The following TRHDE variants were observed in gnomAD, a reference collection of about 807,000 sequenced individuals.
TRHDE encodes thyrotropin-releasing hormone-degrading ectoenzyme.
A neutral mutation model predicts 125.7 loss-of-function variants in TRHDE; 72 were observed. The observed-to-expected ratio is 0.57, with a 90% CI of 0.47 to 0.70. The LOEUF (loss-of-function observed/expected upper bound fraction) is 0.70. TRHDE is among the 30% of genes least tolerant of loss of function. The probability of loss-of-function intolerance (pLI) is 0.00; values close to 1 mark genes in which losing one functional copy is unlikely to be tolerated. For missense variants in TRHDE, 1,110 were observed against 1,327.1 expected (o/e 0.84, Z 2.54); for synonymous variants, 509 against 509.1 (o/e 1.00, Z 0.00).
At chr12:72,646,487 T>C (rs550088292) in intron 15 of TRHDE, among the ~76,000 whole-genome samples, 7 of 152,144 alleles carry the variant, frequency 4.6e-5, no homozygotes, top group Admixed American at 3.3e-4. Flanking sequence ...TTCTTCCCTA[T>C]CAATATTACC....
chr12:72,552,810 G>A (rs1163429476), intron 7 of TRHDE, among the ~76,000 whole-genome samples: 1 of 152,156 alleles, frequency 6.6e-6, no homozygotes, highest in African/African-American at 2.4e-5. Context: ...AGTTGTTAGA[G>A]GGGGATAAAG....
At chr12:72,529,691 G>A (rs548152944) in intron 6 of TRHDE, among the ~76,000 whole-genome samples, 1 of 152,232 alleles carries the variant, frequency 6.6e-6, no homozygotes, top group African/African-American at 2.4e-5. Context: ...GTGAGTGTTG[G>A]TCGTTCTGTG....
intron 15 of TRHDE, among the ~76,000 whole-genome samples, chr12:72,628,837 G>T (rs536249378): frequency 2.0e-5 from 3 of 151,740 alleles, no homozygotes; most frequent in African/African-American, 7.3e-5. Flanking sequence ...TTAAATAGTG[G>T]TTATACCTGA....
chr12:72,195,325 AACTGCTTTCCACAGTGTCTGAAATAATTT>A (rs1243541184), intron 2 of TRHDE, among the ~76,000 whole-genome samples: 1 of 152,058 alleles, frequency 6.6e-6, no homozygotes, highest in Admixed American at 6.5e-5. Flanking sequence ...GAAATCTCTA[AACTGCTTTCCACAGTGTCTGAAATAATTT>A]ACATTCCCAC....
At chr12:72,221,219 G>GA (rs1877992880) in intron 2 of TRHDE, among the ~76,000 whole-genome samples, 1 of 151,908 alleles carries the variant, frequency 6.6e-6, no homozygotes, top group Non-Finnish European at 1.5e-5. Flanking sequence ...CGTTTTTGGG[G>GA]AAAAATGATA....
chr12:72,666,503 T>C lies in TRHDE; in HGVS notation c.*3308T>C, dbSNP rs557141273. ...AAAAGTTCAGTGCTCTAGTGAGCTATGATCACTGTACTCCAGCCTGGGTGA... is the reference window on the plus strand; with the variant it reads ...AAAAGTTCAGTGCTCTAGTGAGCTACGATCACTGTACTCCAGCCTGGGTGA... On this transcript the variant is annotated 3_prime_UTR_variant, in exon 19 of 19. Coordinates refer to ENST00000261180, the MANE Select transcript of TRHDE (RefSeq NM_013381.3). 6.6e-6 allele frequency: 1 copy of C among 152,206 alleles called. No individual in the cohort carries two copies. The allele number at this position is 152,206 out of a possible 1,614,324, so 9.4% of individuals were successfully genotyped here. A position where few individuals can be genotyped will look rare whatever the true frequency, so the allele number is the denominator to read the frequency against.
intron 12 of TRHDE, among the ~76,000 whole-genome samples, chr12:72,586,197 CATAAAT>C (rs1871432882): frequency 6.6e-6 from 1 of 152,038 alleles, no homozygotes; most frequent in East Asian, 1.9e-4. Flanking sequence ...TTACACTAGT[CATAAAT>C]ATAAAAGATT....
intron 2 of TRHDE, chr12:72,254,154 G>A (rs1018064196): frequency 3.3e-5 from 5 of 152,020 alleles, no homozygotes; most frequent in South Asian, 2.1e-4. Context: ...TTTCAATAAC[G>A]AGTACTGCAT....
intron 2 of TRHDE, among the ~76,000 whole-genome samples, chr12:72,171,269 T>C (rs1470186745): frequency 6.6e-6 from 1 of 152,140 alleles, no homozygotes; most frequent in Non-Finnish European, 1.5e-5. Flanking sequence ...AAAATAGGAT[T>C]AGTTTTGTTA....
chr12:72,480,112 G>A (rs61926603), intron 5 of TRHDE, among the ~76,000 whole-genome samples: 4,520 of 79,884 alleles, frequency 0.057, no homozygotes, highest in African/African-American at 0.084. Flanking sequence ...GAATAGTGCC[G>A]CAATAAACAT....
intron 2 of TRHDE, among the ~76,000 whole-genome samples, chr12:72,112,428 A>C (rs1875337563): frequency 6.6e-6 from 1 of 152,194 alleles, no homozygotes; most frequent in Non-Finnish European, 1.5e-5. Context: ...TTGCTTTAAA[A>C]TATGTGTACA....
Position 72,618,941 on chromosome 12 carries a change from C to T in TRHDE, c.2372C>T (p.Ser791Phe), listed in dbSNP as rs1368468477. 3.8e-6 allele frequency: 6 copies of T among 1,595,344 alleles called. No individual in the cohort carries two copies. In the African/African-American group the frequency reaches 5.4e-5, roughly 14 times the overall value. The change falls in exon 13 of 19, where the codon TCT becomes TTT. Residue 791 changes from serine to phenylalanine, a missense_variant. Physicochemically the swap from Ser to Phe is radical, Grantham distance 155 (BLOSUM62 -2). This residue lies in a region of TRHDE where 527 missense variants were observed against 651.8 expected (regional missense o/e 0.81). Coordinates refer to ENST00000261180, the MANE Select transcript of TRHDE (RefSeq NM_013381.3). ...NIPLEIIRYL[S>F]EEKDFLPWHA... Reference sequence around the variant, plus strand: ...CCTCTGGAGATTATCAGATACCTGTCTGAGGAGAAGGATTTTCTTCCTTGG... The same window carrying T: ...CCTCTGGAGATTATCAGATACCTGTTTGAGGAGAAGGATTTTCTTCCTTGG...
chr12:72,509,560 C>T (rs1464293832), intron 6 of TRHDE, among the ~76,000 whole-genome samples: 2 of 152,180 alleles, frequency 1.3e-5, no homozygotes, highest in Non-Finnish European at 2.9e-5. Context: ...GTCATGGTCC[C>T]AGCTTGCTCT....
intron 3 of TRHDE, among the ~76,000 whole-genome samples, chr12:72,411,779 G>C (rs1431788374): frequency 6.6e-6 from 1 of 152,202 alleles, no homozygotes; most frequent in African/African-American, 2.4e-5. Context: ...CATGGGGCTA[G>C]GCAAGTTGAG....
chr12:72,186,532 A>G (rs1451310412), intron 2 of TRHDE: 1 of 169,650 alleles, frequency 5.9e-6, no homozygotes, highest in Non-Finnish European at 1.2e-5. Flanking sequence ...AGAGCTGTAT[A>G]ACACTCACCG....
intron 3 of TRHDE, among the ~76,000 whole-genome samples, chr12:72,466,035 T>C (rs1034054896): frequency 6.6e-6 from 1 of 152,216 alleles, no homozygotes; most frequent in African/African-American, 2.4e-5. Flanking sequence ...TTGGTTGATC[T>C]GTAATCTTGT....
rs551284938 is a variant in TRHDE, at chr12:72,430,409, A to G, written c.1316-39349A>G. Among the ~76,000 whole-genome samples the G allele has an allele frequency of 1.8e-4, 26 of 141,670 alleles. No individual in the cohort carries two copies. In the East Asian group the frequency reaches 3.8e-3, roughly 21 times the overall value. The allele number at this position is 141,670 out of a possible 152,430, so 92.9% of individuals were successfully genotyped here. A position where few individuals can be genotyped will look rare whatever the true frequency, so the allele number is the denominator to read the frequency against. ...TATATATATACACACACGTATATAT[A>G]TGTGCATATATATACATGTATATAT... On this transcript the variant is annotated intron_variant, in intron 3 of 18. Coordinates refer to ENST00000261180, the MANE Select transcript of TRHDE (RefSeq NM_013381.3).
intron 2 of TRHDE, among the ~76,000 whole-genome samples, chr12:72,231,872 C>T (rs928631393): frequency 6.6e-6 from 1 of 152,076 alleles, no homozygotes; most frequent in Non-Finnish European, 1.5e-5. Flanking sequence ...ATAAGGAAAA[C>T]TTTTATTTTG....
At chr12:72,336,942 A>G (rs1425839381) in intron 2 of TRHDE, among the ~76,000 whole-genome samples, 1 of 152,202 alleles carries the variant, frequency 6.6e-6, no homozygotes, top group African/African-American at 2.4e-5. Context: ...TGGTCTGCAG[A>G]CTGCCAGCAT....
Sources: allele counts gnomAD v4.1 joint callset (sites outside exome capture counted in the v4.1 genomes callset), GRCh38; gene constraint gnomAD v4.1.1; regional missense constraint gnomAD v4.1.1; transcripts MANE v1.5; gene names NCBI Gene and HGNC (gene_info 2026-07-23, HGNC 2026-07-21).